PLXNA3: variants seen among roughly 807,000 people sequenced by gnomAD.
The protein encoded by PLXNA3 is plexin A3.
A neutral mutation model predicts 118.8 loss-of-function variants in PLXNA3; 52 were observed. The observed-to-expected ratio is 0.44, with a 90% CI of 0.35 to 0.55. PLXNA3 has a LOEUF of 0.55. PLXNA3 is among the 20% of genes least tolerant of loss of function. The pLI, the probability that PLXNA3 is intolerant of heterozygous loss-of-function variation, is 0.01. For synonymous variants in PLXNA3, 925 were observed against 762.4 expected, an observed-to-expected ratio of 1.21 and a Z score of -3.51; for missense variants, 1,660 against 1,730.8, an observed-to-expected ratio of 0.96 and a Z score of 0.73.
At chrX:154,472,534 A>C in intron 32 of PLXNA3, 56 bp from the exon 33 acceptor site, 1 of 826,337 alleles carries the variant, frequency 1.2e-6, no homozygotes, top group Non-Finnish European at 1.8e-6. Context: ...GGGACTTTGC[A>C]TGGCAGGAGC....
intron 7 of PLXNA3, 28 bp downstream of exon 7, chrX:154,464,102 G>C: frequency 1.7e-6 from 2 of 1,209,579 alleles, no homozygotes; most frequent in Non-Finnish European, 2.2e-6. Context: ...GCCCGGCTGG[G>C]TGTGCACATG....
rs200397807 is a variant in PLXNA3, at chrX:154,460,182, C to A, written c.-2C>A. On this transcript the variant is annotated 5_prime_UTR_variant, in exon 2 of 33. Transcript: ENST00000369682. ...GCCTGTCCCCAGGCGCGGCTGCCGG[C>A]CATGCCCTCTGTCTGCCTCCTCCTG... The A allele has an allele frequency of 8.4e-7, 1 of 1,190,327 alleles. No homozygotes were observed. The highest frequency in any genetic ancestry group is 1.1e-6 in the Non-Finnish European group (1 of 879,076).
chrX:154,468,596 C>T (rs1557208297), intron 23 of PLXNA3, 37 bp downstream of exon 23: 3 of 1,207,147 alleles, frequency 2.5e-6, no homozygotes, highest in Non-Finnish European at 3.4e-6. Flanking sequence ...CACCTTTGTC[C>T]TGCCTGGGCC....
rs1557208498 is a variant in PLXNA3, at chrX:154,469,083, G to A, written c.4462G>A (p.Glu1488Lys). 5.8e-6 allele frequency: 7 copies of A among 1,211,532 alleles called. No individual in the cohort carries two copies. Among genetic ancestry groups the A allele is most frequent in the South Asian group, 1.8e-5 (1 of 57,039 alleles). The change falls in exon 26 of 33, where the codon GAG (glutamate) becomes AAG (lysine). Residue 1488 changes from glutamate to lysine, a missense_variant. Transcript: ENST00000369682. ...CCTTCACTGCGTGTGTCCGGAGAAC[G>A]AGGGCAGCGCCCAGGTCCCAGTGAA... is the stretch of plus-strand genomic sequence containing the variant. ...LTLHCVCPEN[E>K]GSAQVPVKVL...
chrX:154,461,152 G>A lies in PLXNA3; in HGVS notation c.648G>A (p.Leu216=), dbSNP rs781946228. The A allele has an allele frequency of 1.7e-6, 2 of 1,209,746 alleles. No homozygotes were observed. The highest frequency in any genetic ancestry group is 5.9e-5 in the East Asian group (2 of 33,786). The change falls in exon 3 of 33, where the codon CTG becomes CTA. Residue 216 remains leucine (L), a synonymous_variant. Transcript: ENST00000369682. ...AGATCAAGATCCCCTCAGACACGCT[G>A]TCCTTGTACCCTGCCTTTGACATCT... The part of the protein sequence containing the change: ...SSQIKIPSDT[L]SLYPAFDIYY...
In PLXNA3 at chrX:154,461,467, C is replaced by T. The variant is rs143354413; in HGVS notation, c.963C>T (p.Phe321=). ...PADEDVLFTI[F]SQGQKNRASP... is the part of the protein sequence containing the mutation. Reference sequence around the variant, plus strand: ...ATGAGGACGTCCTCTTCACCATCTTCTCTCAGGGCCAGAAGAACCGGGCCA... The same window carrying T: ...ATGAGGACGTCCTCTTCACCATCTTTTCTCAGGGCCAGAAGAACCGGGCCA... The change falls in exon 3 of 33, where the codon TTC becomes TTT. Residue 321 remains phenylalanine (F), a synonymous_variant. Coordinates refer to ENST00000369682, the MANE Select transcript of PLXNA3 (RefSeq NM_017514.5). The T allele has an allele frequency of 1.1e-5, 13 of 1,210,955 alleles. No individual in the cohort carries two copies. The African/African-American group carries it at 2.3e-4, about 21-fold the overall frequency.
chrX:154,466,414 G>A lies in PLXNA3; in HGVS notation c.2838G>A (p.Pro946=), dbSNP rs782242501. 18 of 1,209,930 alleles carry A rather than the reference G, an allele frequency of 1.5e-5. No homozygotes were observed. The highest frequency in any genetic ancestry group is 1.2e-4 in the African/African-American group (7 of 57,445). ...TFDQVSPSRG[P]ASGGTRLTIS... ...ACCAAGTGAGTCCCAGCCGTGGCCC[G>A]GCGTCCGGGGGCACACGGCTTACCA... is the stretch of plus-strand genomic sequence containing the variant. The change falls in exon 16 of 33, where the codon CCG becomes CCA. Residue 946 remains proline (P), a synonymous_variant. Coordinates refer to ENST00000369682, the MANE Select transcript of PLXNA3 (RefSeq NM_017514.5).
rs781794229 is a variant in PLXNA3, at chrX:154,468,488, C to T, written c.4149C>T (p.Leu1383=). 3.3e-6 allele frequency: 4 copies of T among 1,210,012 alleles called. No homozygotes were observed. Among genetic ancestry groups the T allele is most frequent in the Non-Finnish European group, 4.5e-6 (4 of 895,294 alleles). The change falls in exon 23 of 33, where the codon CTC becomes CTT. Residue 1383 remains leucine (L), a synonymous_variant. Coordinates refer to ENST00000369682, the MANE Select transcript of PLXNA3 (RefSeq NM_017514.5). ...GGCTCGACTATGCCACGGGGCTGCT[C>T]AAGCAACTGCTGGCCGACCTCATCG... ...QSRLDYATGL[L]KQLLADLIEK...
At position 154,472,899 on chromosome X, in the gene PLXNA3, C is replaced by A; in HGVS notation, c.*214C>A. 5.1e-6 allele frequency: 2 copies of A among 394,902 alleles called. No individual in the cohort carries two copies. The highest frequency in any genetic ancestry group is 9.0e-6 in the Non-Finnish European group (2 of 221,201). The allele number at this position is 394,902 out of a possible 1,213,427, so 32.5% of individuals were successfully genotyped here. A position where few individuals can be genotyped will look rare whatever the true frequency, so the allele number is the denominator to read the frequency against. Reference sequence around the variant, plus strand: ...GGGGAGGGGTGACAGGGCGAGCCCCCACCCCAGCAGCAGCAATACCCCCAC... The same window carrying A: ...GGGGAGGGGTGACAGGGCGAGCCCCAACCCCAGCAGCAGCAATACCCCCAC... On this transcript the variant is annotated 3_prime_UTR_variant, in exon 33 of 33. Coordinates refer to ENST00000369682, the MANE Select transcript of PLXNA3 (RefSeq NM_017514.5).
intron 32 of PLXNA3, among the ~76,000 whole-genome samples, 194 bp from the exon 33 acceptor site, chrX:154,472,396 G>A (rs1273886344): frequency 9.1e-6 from 1 of 109,963 alleles, no homozygotes; most frequent in Non-Finnish European, 1.9e-5. Context: ...GCTGTGGAGA[G>A]GAGGAGGAGA....
At position 154,472,803 on chromosome X, in the gene PLXNA3, G is replaced by A; in HGVS notation, c.*118G>A. ...GCCCTGGATTGGGTATCGTGGGGCA[G>A]GTCACCCTGGCCACGATGCCCCCGG... On this transcript the variant is annotated 3_prime_UTR_variant, in exon 33 of 33. Coordinates refer to ENST00000369682, the MANE Select transcript of PLXNA3 (RefSeq NM_017514.5). 1.9e-6 allele frequency: 1 copy of A among 530,695 alleles called. No individual in the cohort carries two copies. Among genetic ancestry groups the A allele is most frequent in the Non-Finnish European group, 3.3e-6 (1 of 300,795 alleles). The allele number at this position is 530,695 out of a possible 1,213,427, so 43.7% of individuals were successfully genotyped here. A position where few individuals can be genotyped will look rare whatever the true frequency, so the allele number is the denominator to read the frequency against.
In PLXNA3 at chrX:154,460,232, G is replaced by A; in HGVS notation, c.49G>A (p.Ala17Thr). 4.1e-6 allele frequency: 5 copies of A among 1,209,371 alleles called. No homozygotes were observed. The highest frequency in any genetic ancestry group is 2.4e-4 in the Middle Eastern group (1 of 4,170). ...LLLLFLAVGG[A>T]LGNRPFRAFV... is the part of the protein sequence containing the mutation. Reference sequence around the variant, plus strand: ...GCTGCTCTTCCTTGCCGTGGGGGGGGCCCTGGGCAACAGGCCCTTCCGTGC... The same window carrying A: ...GCTGCTCTTCCTTGCCGTGGGGGGGACCCTGGGCAACAGGCCCTTCCGTGC... The change falls in exon 2 of 33, where the codon GCC (alanine) becomes ACC (threonine). Residue 17 changes from alanine (A) to threonine (T), a missense_variant. Around this residue, in one of 2 missense-constraint regions of PLXNA3, gnomAD observed 791 missense variants for 652.1 expected, o/e 1.21. Transcript: ENST00000369682.
At chrX:154,466,124 C>T (rs372132289) in intron 14 of PLXNA3, 26 bp from the exon 15 acceptor site, 10 of 1,208,693 alleles carry the variant, frequency 8.3e-6, no homozygotes, top group East Asian at 3.0e-5. Flanking sequence ...GTGGCCTGGC[C>T]GGCCCTGACG....
intron 27 of PLXNA3, 100 bp downstream of exon 27, chrX:154,469,582 G>A (rs1300092728): frequency 4.2e-5 from 31 of 741,819 alleles, no homozygotes; most frequent in Non-Finnish European, 5.9e-5. Flanking sequence ...GGCTCCCCTC[G>A]CCCTTCTCCC....
In PLXNA3 at chrX:154,471,478, G is replaced by T; in HGVS notation, c.5370-10G>T. 5.0e-6 allele frequency: 6 copies of T among 1,194,901 alleles called. No individual in the cohort carries two copies. Among genetic ancestry groups the T allele is most frequent in the Non-Finnish European group, 5.7e-6 (5 of 883,724 alleles). On this transcript the variant is annotated splice_polypyrimidine_tract_variant and intron_variant, in intron 31 of 32. Transcript: ENST00000369682. ...ATGTCGCCTGAGTGACATACTCAGG[G>T]TCCCAACAGGTATTATCGAGACATT...
At position 154,460,348 on chromosome X, in the gene PLXNA3, G is replaced by A. The variant is rs782354507; in HGVS notation, c.165G>A (p.Lys55=). The change falls in exon 2 of 33, where the codon AAG becomes AAA. Residue 55 remains lysine, a synonymous_variant. Transcript: ENST00000369682. The stretch of plus-strand genomic sequence containing the variant: ...TGGGCGCAGTGAACCGAGTCTTTAA[G>A]CTGGCCCCCAACCTGACTGAGCTGC... ...VFVGAVNRVF[K]LAPNLTELRA... is the part of the protein sequence containing the mutation. 8.3e-7 allele frequency: 1 copy of A among 1,211,130 alleles called. No individual in the cohort carries two copies. Among genetic ancestry groups the A allele is most frequent in the Non-Finnish European group, 1.1e-6 (1 of 895,247 alleles).
Position 154,466,417 on chromosome X carries a change from G to T in PLXNA3, c.2841G>T (p.Ala947=), listed in dbSNP as rs371349360. 1.7e-6 allele frequency: 2 copies of T among 1,211,280 alleles called. No individual in the cohort carries two copies. The highest frequency in any genetic ancestry group is 2.2e-6 in the Non-Finnish European group (2 of 895,377). Residue 947 remains alanine, a synonymous_variant, in exon 16 of 33, where the codon GCG becomes GCT. Coordinates refer to ENST00000369682, the MANE Select transcript of PLXNA3 (RefSeq NM_017514.5). The stretch of plus-strand genomic sequence containing the variant: ...AAGTGAGTCCCAGCCGTGGCCCGGC[G>T]TCCGGGGGCACACGGCTTACCATCT... ...FDQVSPSRGP[A]SGGTRLTISG...
intron 16 of PLXNA3, 30 bp from the exon 17 acceptor site, chrX:154,466,593 C>CCGCT: frequency 8.4e-7 from 1 of 1,193,821 alleles, no homozygotes; most frequent in Non-Finnish European, 1.1e-6. Flanking sequence ...CCTGGGCCAC[C>CCGCT]CGCTCCAAGC....
Position 154,461,125 on chromosome X carries a change from C to T in PLXNA3, c.621C>T (p.Ser207=). The change falls in exon 3 of 33, where the codon TCC becomes TCT. Residue 207 remains serine, a synonymous_variant. Transcript: ENST00000369682. The stretch of plus-strand genomic sequence containing the variant: ...TGTACCAGGATGAGTTTGTGTCCTC[C>T]CAGATCAAGATCCCCTCAGACACGC... The part of the protein sequence containing the change: ...SLVYQDEFVS[S]QIKIPSDTLS... The T allele has an allele frequency of 8.3e-7, 1 of 1,204,641 alleles. No individual in the cohort carries two copies. The highest frequency in any genetic ancestry group is 1.1e-6 in the Non-Finnish European group (1 of 889,981).
Sources: gnomAD v4.1 joint callset for allele counts (sites outside exome capture counted in the v4.1 genomes callset) on GRCh38, gnomAD v4.1.1 for gene constraint, gnomAD v4.1.1 regional missense constraint, MANE v1.5 for transcripts, NCBI Gene and HGNC (gene_info 2026-07-23, HGNC 2026-07-21) for gene names.